The following TMEM266 variants were observed in gnomAD, a reference collection of about 807,000 sequenced individuals.
TMEM266 encodes the protein Hv1 related protein 1.
Under a neutral mutation model 50.5 loss-of-function variants are expected in TMEM266, and 33 were observed. The observed-to-expected ratio is 0.65, with a 90% CI of 0.50 to 0.87. The LOEUF (loss-of-function observed/expected upper bound fraction) is 0.87, where lower values mean the gene tolerates loss of function less well. Ranked by LOEUF, TMEM266 falls within the 40% of genes least tolerant of loss-of-function variation. The pLI is 0.00. For missense variants in TMEM266, 655 were observed against 695.1 expected (o/e 0.94, Z 0.65); for synonymous variants, 310 against 292.3 (o/e 1.06, Z -0.62).
At chr15:76,075,041 G>A (rs1433746240) in intron 1 of TMEM266, among the ~76,000 whole-genome samples, 1 of 152,068 alleles carries the variant, frequency 6.6e-6, no homozygotes, top group Non-Finnish European at 1.5e-5. Flanking sequence ...TAAGTAGGGG[G>A]AAATAAAGAG....
chr15:76,201,520 G>T (rs1404042323), intron 9 of TMEM266, among the ~76,000 whole-genome samples: 1 of 152,144 alleles, frequency 6.6e-6, no homozygotes. Context: ...TGGGACCACA[G>T]GTGTGCATCA....
intron 1 of TMEM266, among the ~76,000 whole-genome samples, chr15:76,086,193 A>G (rs2036774726): frequency 6.6e-6 from 1 of 152,226 alleles, no homozygotes; most frequent in Non-Finnish European, 1.5e-5. Context: ...TCAGCAGCAT[A>G]AAGGAGCAAA....
intron 3 of TMEM266, among the ~76,000 whole-genome samples, chr15:76,140,594 C>G (rs1222300032): frequency 6.6e-6 from 1 of 152,190 alleles, no homozygotes; most frequent in East Asian, 1.9e-4. Context: ...TCCCAGTGCT[C>G]TTGAGCTCCG....
intron 8 of TMEM266, among the ~76,000 whole-genome samples, chr15:76,188,418 C>T (rs1256958769): frequency 6.6e-6 from 1 of 152,160 alleles, no homozygotes; most frequent in East Asian, 1.9e-4. Flanking sequence ...GCCTGGCCAA[C>T]ACGGTGAAAC....
At position 76,087,700 on chromosome 15, in the gene TMEM266, G is replaced by T. The variant is rs113733927; in HGVS notation, c.-97+27684G>T. Reference sequence around the variant, plus strand: ...CCCTGGAAACCTTGACATTTAAAGGGCAGTAGGGAACACACAGCCCTTGAA... The same window carrying T: ...CCCTGGAAACCTTGACATTTAAAGGTCAGTAGGGAACACACAGCCCTTGAA... On this transcript the variant is annotated intron_variant, in intron 1 of 10. Transcript: ENST00000388942. 4.1e-3 allele frequency among the ~76,000 whole-genome samples: 628 copies of T among 152,264 alleles called. 8 individuals carry two copies. Among genetic ancestry groups the T allele is most frequent in the African/African-American group, 0.014 (594 of 41,534 alleles).
At chr15:76,200,661 G>C (rs1341900086) in intron 9 of TMEM266, among the ~76,000 whole-genome samples, 1 of 152,202 alleles carries the variant, frequency 6.6e-6, no homozygotes. Context: ...CTGGCCCACA[G>C]GGCCTGGGGG....
chr15:76,092,506 A>G (rs1267104104), intron 1 of TMEM266, among the ~76,000 whole-genome samples: 3 of 151,930 alleles, frequency 2.0e-5, no homozygotes, highest in African/African-American at 4.8e-5. Context: ...CCTGGCCAAC[A>G]TGGCGAAACC....
chr15:76,177,424 G>A (rs1325558745), intron 8 of TMEM266, among the ~76,000 whole-genome samples: 4 of 152,358 alleles, frequency 2.6e-5, no homozygotes, highest in South Asian at 4.1e-4. Flanking sequence ...TGGGGGACAC[G>A]TCTGTGGAAT....
chr15:76,064,797 C>T (rs1387161345), intron 1 of TMEM266, among the ~76,000 whole-genome samples: 1 of 152,208 alleles, frequency 6.6e-6, no homozygotes, highest in African/African-American at 2.4e-5. Context: ...TTTTGGAAGT[C>T]CAGGCAGCTG....
At chr15:76,159,904 A>C (rs917913368) in intron 4 of TMEM266, among the ~76,000 whole-genome samples, 191 bp from the exon 5 acceptor site, 1 of 152,048 alleles carries the variant, frequency 6.6e-6, no homozygotes, top group Non-Finnish European at 1.5e-5. Flanking sequence ...TTGGCTCCCA[A>C]ATGTCCTACT....
chr15:76,132,813 AATTATTATTATT>A (rs58869632), intron 1 of TMEM266, among the ~76,000 whole-genome samples: 27,327 of 134,870 alleles, frequency 0.2, 3,610 homozygotes, highest in African/African-American at 0.36. Context: ...TAATAATAGT[AATTATTATTATT>A]ATTATTATTA....
intron 1 of TMEM266, among the ~76,000 whole-genome samples, chr15:76,065,455 C>T (rs1349215137): frequency 1.3e-5 from 2 of 152,072 alleles, no homozygotes; most frequent in South Asian, 2.1e-4. Context: ...TGCTGTCTGT[C>T]GGCAGCTCCT....
intron 3 of TMEM266, among the ~76,000 whole-genome samples, chr15:76,151,897 G>C (rs67241126): frequency 6.6e-6 from 1 of 152,116 alleles, no homozygotes; most frequent in African/African-American, 2.4e-5. Context: ...CTGGAACAGC[G>C]GTTTTCCATC....
In TMEM266 at chr15:76,067,688, T is replaced by G. The variant is rs76606377; in HGVS notation, c.-97+7672T>G. On this transcript the variant is annotated intron_variant, in intron 1 of 10. Transcript: ENST00000388942. ...AAGAAAAGAAAAAGTCATTCTTGGG[T>G]TTTTTTTTTTTTGGCATTGTATTTA... Among the ~76,000 whole-genome samples, 802 of 136,644 alleles carry G rather than the reference T, an allele frequency of 5.9e-3. 9 individuals are homozygous for G. Among genetic ancestry groups the G allele is most frequent in the African/African-American group, 0.02 (763 of 37,614 alleles). 89.6% of individuals were successfully genotyped at this position (136,644 alleles called of 152,430 possible).
chr15:76,190,384 C>G (rs2038550237), intron 8 of TMEM266, among the ~76,000 whole-genome samples: 1 of 152,228 alleles, frequency 6.6e-6, no homozygotes, highest in Non-Finnish European at 1.5e-5. Context: ...TAAGCCAAAG[C>G]TAAGGAGCTC....
intron 3 of TMEM266, among the ~76,000 whole-genome samples, chr15:76,148,911 C>T (rs953494123): frequency 2.6e-5 from 4 of 152,218 alleles, no homozygotes; most frequent in Non-Finnish European, 4.4e-5. Context: ...GATTGCAGAA[C>T]TGAAGCTGCC....
intron 4 of TMEM266, among the ~76,000 whole-genome samples, chr15:76,158,439 C>T (rs1201212057): frequency 6.6e-6 from 1 of 152,184 alleles, no homozygotes; most frequent in Non-Finnish European, 1.5e-5. Context: ...CTGCCCATAA[C>T]AGAGCCTTTC....
chr15:76,084,612 G>GT (rs1005334660), intron 1 of TMEM266, among the ~76,000 whole-genome samples: 1 of 134,948 alleles, frequency 7.4e-6, no homozygotes, highest in South Asian at 2.4e-4. Flanking sequence ...TTTTTTTTTT[G>GT]TTTTTTGAGA....
intron 1 of TMEM266, among the ~76,000 whole-genome samples, chr15:76,126,558 G>T (rs1412626720): frequency 2.0e-5 from 3 of 150,116 alleles, no homozygotes; most frequent in Non-Finnish European, 4.4e-5. Context: ...TTTAGACGGA[G>T]TCTCACTCTG....
Sources: allele counts gnomAD v4.1 joint callset (sites outside exome capture counted in the v4.1 genomes callset), GRCh38; gene constraint gnomAD v4.1.1; transcripts MANE v1.5; gene names NCBI Gene and HGNC (gene_info 2026-07-23, HGNC 2026-07-21).